MRTFB: variants seen among roughly 807,000 people sequenced by gnomAD.
MRTFB encodes myocardin-related transcription factor B.
Under a neutral mutation model 104.2 loss-of-function variants are expected in MRTFB, and 29 were observed. The observed-to-expected ratio is 0.28, with a 90% CI of 0.21 to 0.38. The LOEUF (loss-of-function observed/expected upper bound fraction) is 0.38. Ranked by LOEUF, MRTFB falls within the 10% of genes least tolerant of loss-of-function variation. The probability of loss-of-function intolerance (pLI) is 1.00; values close to 1 mark genes in which losing one functional copy is unlikely to be tolerated. For missense variants in MRTFB, 1,270 were observed against 1,341.6 expected, an observed-to-expected ratio of 0.95 and a Z score of 0.83; for synonymous variants, 535 against 519.5, an observed-to-expected ratio of 1.03 and a Z score of -0.41.
At chr16:14,076,030 C>CT (rs1386421198) in intron 1 of MRTFB, among the ~76,000 whole-genome samples, 18 of 151,554 alleles carry the variant, frequency 1.2e-4, no homozygotes, top group Non-Finnish European at 1.9e-4. Context: ...CTATACATGT[C>CT]TTTTTTTTGT....
At chr16:14,225,056 C>T (rs183413075) in intron 8 of MRTFB, among the ~76,000 whole-genome samples, 43 of 152,166 alleles carry the variant, frequency 2.8e-4, no homozygotes, top group African/African-American at 9.6e-4. Flanking sequence ...TGTGGTGGCG[C>T]GTGCCTGTAA....
At chr16:14,023,604 CACACACATACATATACATATACATAT>C in the MRTFB span, among the ~76,000 whole-genome samples, 36,584 of 129,442 alleles carry the variant, frequency 0.28, 5,312 homozygotes, top group South Asian at 0.4. Flanking sequence ...CACACACACA[CACACACATACATATACATATACATAT>C]ACATATACAT....
chr16:14,223,511 CTG>C (rs1461881570), intron 8 of MRTFB, among the ~76,000 whole-genome samples: 1 of 151,968 alleles, frequency 6.6e-6, no homozygotes, highest in Admixed American at 6.6e-5. Flanking sequence ...TATGAACAAA[CTG>C]AGAATGTGGT....
the MRTFB span, among the ~76,000 whole-genome samples, chr16:14,050,894 C>G: frequency 7.0e-4 from 107 of 152,290 alleles, no homozygotes; most frequent in Non-Finnish European, 1.4e-3. Flanking sequence ...ATTCCAATGC[C>G]CTTGCAAAGA....
At chr16:14,068,265 T>C (rs1480734249), upstream of MRTFB, among the ~76,000 whole-genome samples, 1 of 152,244 alleles carries the variant, frequency 6.6e-6, no homozygotes, top group Non-Finnish European at 1.5e-5. Flanking sequence ...TACTGAGTGC[T>C]TAATCTTGTA....
rs781247088 is a variant in MRTFB at position 14,140,543 on chromosome 16, G to A, written c.-63-1G>A. 1.1e-5 allele frequency: 18 copies of A among 1,571,988 alleles called. No individual in the cohort carries two copies. The highest frequency in any genetic ancestry group is 4.0e-4 in the Middle Eastern group (2 of 5,030). On this transcript the variant is annotated splice_acceptor_variant, in intron 2 of 16. Transcript: ENST00000571589. LOFTEE classifies it low-confidence loss of function (5UTR_SPLICE). ...TCTTTACACATTCTTTATTTTGGCAGTGTCTTCAATAGGCCGTGTTTAAGA... is the reference window on the plus strand; with the variant it reads ...TCTTTACACATTCTTTATTTTGGCAATGTCTTCAATAGGCCGTGTTTAAGA...
At chr16:14,251,069 T>C (rs925828292) in intron 13 of MRTFB, among the ~76,000 whole-genome samples, 4 of 152,058 alleles carry the variant, frequency 2.6e-5, no homozygotes, top group African/African-American at 9.7e-5. Context: ...ATTAGCTTAG[T>C]CATGGCCATT....
At chr16:14,092,392 G>A (rs1338746979) in intron 2 of MRTFB, among the ~76,000 whole-genome samples, 1 of 152,202 alleles carries the variant, frequency 6.6e-6, no homozygotes, top group Non-Finnish European at 1.5e-5. Context: ...GTGGGAAACA[G>A]ATTTAGGAGT....
chr16:14,079,351 C>G lies in MRTFB; in HGVS notation c.-67C>G. The stretch of plus-strand genomic sequence containing the variant: ...CAGGAAAATAATTAAATATTCTTAC[C>G]GAGGTAAGTTTTTTTATAATTTTTT... On this transcript the variant is annotated 5_prime_UTR_variant, in exon 2 of 17. Coordinates refer to ENST00000571589, the MANE Select transcript of MRTFB (RefSeq NM_001308142.2). 1 of 350,740 alleles carries G rather than the reference C, an allele frequency of 2.9e-6. No homozygotes were observed. Among genetic ancestry groups the G allele is most frequent in the East Asian group, 3.8e-5 (1 of 26,270 alleles). The allele number at this position is 350,740 out of a possible 1,614,324, so 21.7% of individuals were successfully genotyped here. A position where few individuals can be genotyped will look rare whatever the true frequency, so the allele number is the denominator to read the frequency against.
intron 1 of MRTFB, among the ~76,000 whole-genome samples, chr16:14,078,892 A>T (rs1019481563): frequency 6.6e-6 from 1 of 152,194 alleles, no homozygotes; most frequent in Non-Finnish European, 1.5e-5. Context: ...TATAATCCTC[A>T]GCAGTGCTAA....
chr16:14,074,778 ACCCTT>A (rs1383371979), intron 1 of MRTFB, among the ~76,000 whole-genome samples: 11 of 152,330 alleles, frequency 7.2e-5, no homozygotes, highest in Admixed American at 7.2e-4. Flanking sequence ...ATATTTCTGG[ACCCTT>A]CCATTTAAAC....
chr16:14,080,500 TAC>T (rs1422105101), intron 2 of MRTFB, among the ~76,000 whole-genome samples: 1 of 152,242 alleles, frequency 6.6e-6, no homozygotes, highest in African/African-American at 2.4e-5. Context: ...ATTGAACATT[TAC>T]TCTCTTTGTA....
In MRTFB at chr16:14,140,598, T is replaced by A; in HGVS notation, c.-9T>A. On this transcript the variant is annotated 5_prime_UTR_variant, in exon 3 of 17. Transcript: ENST00000571589. ...TCTTACACTCCCTGTTGCCAGTGGC[T>A]GGAACACAATGGATCACACAGGGGC... The A allele has an allele frequency of 6.2e-7, 1 of 1,614,100 alleles. No homozygotes were observed.
chr16:14,091,541 A>C (rs9941026), intron 2 of MRTFB, among the ~76,000 whole-genome samples: 8 of 151,998 alleles, frequency 5.3e-5, no homozygotes, highest in Admixed American at 2.0e-4. Flanking sequence ...CCGGCCAGGC[A>C]CTGGGGTCTT....
At chr16:14,079,624 G>A (rs1277119541) in intron 2 of MRTFB, among the ~76,000 whole-genome samples, 3 of 152,136 alleles carry the variant, frequency 2.0e-5, no homozygotes, top group Non-Finnish European at 4.4e-5. Flanking sequence ...AATCTAGCAA[G>A]TAGAAACCCA....
chr16:14,140,510 G>T, intron 2 of MRTFB, 34 bp from the exon 3 acceptor site: 1 of 1,453,374 alleles, frequency 6.9e-7, no homozygotes, highest in East Asian at 2.3e-5. Flanking sequence ...AAACATAACT[G>T]CACCATCTCT....
the MRTFB span, among the ~76,000 whole-genome samples, chr16:14,023,816 T>G: frequency 6.6e-6 from 1 of 152,094 alleles, no homozygotes; most frequent in Non-Finnish European, 1.5e-5. Flanking sequence ...TTTGGGAGGC[T>G]GAGGCTGGCA....
chr16:14,135,733 C>T (rs1160897640), intron 2 of MRTFB, among the ~76,000 whole-genome samples: 1 of 152,190 alleles, frequency 6.6e-6, no homozygotes, highest in Non-Finnish European at 1.5e-5. Flanking sequence ...CAAAATCAAT[C>T]ATATCACTGG....
At chr16:14,164,251 C>T (rs2039149002) in intron 3 of MRTFB, among the ~76,000 whole-genome samples, 1 of 152,168 alleles carries the variant, frequency 6.6e-6, no homozygotes, top group Non-Finnish European at 1.5e-5. Flanking sequence ...AACTATCATT[C>T]CGTTACTCTG....
Sources: allele counts gnomAD v4.1 joint callset (sites outside exome capture counted in the v4.1 genomes callset), GRCh38; gene constraint gnomAD v4.1.1; transcripts MANE v1.5; gene names NCBI Gene and HGNC (gene_info 2026-07-23, HGNC 2026-07-21).